Variants in SOS2 observed in about 807,000 individuals in gnomAD.
The protein encoded by SOS2 is SOS Ras/Rho guanine nucleotide exchange factor 2, also known as son of sevenless homolog 2.
SOS2 carries 65 observed loss-of-function variants against 148.2 expected under a neutral mutation model. That is an observed-to-expected ratio of 0.44 (90% CI 0.36 to 0.54). SOS2 has a LOEUF of 0.54. Ranked by LOEUF, SOS2 falls within the 20% of genes least tolerant of loss-of-function variation. The probability of loss-of-function intolerance (pLI) is 0.00; values close to 1 mark genes in which losing one functional copy is unlikely to be tolerated. For missense variants in SOS2, 1,341 were observed against 1,590.2 expected (o/e 0.84, Z 2.67); for synonymous variants, 539 against 537.1 (o/e 1.00, Z -0.05).
intron 18 of SOS2, among the ~76,000 whole-genome samples, 165 bp from the exon 19 acceptor site, chr14:50,134,404 T>G (rs1262432217): frequency 6.6e-6 from 1 of 152,246 alleles, no homozygotes; most frequent in Non-Finnish European, 1.5e-5. Context: ...GTGTTGCTTA[T>G]TCCAATCTCT....
chr14:50,150,077 A>C lies in SOS2; in HGVS notation c.2315T>G (p.Phe772Cys), dbSNP rs200715068. ...TATTGGATGAAGTGTCATGAGATCA[A>C]ATGTTTCAAACTGTCCTGGTTTGCT... ...HISKPGQFET[F>C]DLMTLHPIEI... is the part of the protein sequence containing the mutation. Residue 772 changes from phenylalanine (F) to cysteine (C), a missense_variant, in exon 14 of 23, where the codon TTT becomes TGT. By Grantham distance (205) the Phe-to-Cys change is radical (BLOSUM62 -2). Coordinates refer to ENST00000216373, the MANE Select transcript of SOS2 (RefSeq NM_006939.4). The C allele has an allele frequency of 4.0e-5, 64 of 1,614,034 alleles. No individual in the cohort carries two copies. The highest frequency in any genetic ancestry group is 3.5e-5 in the Non-Finnish European group (41 of 1,179,998).
intron 4 of SOS2, among the ~76,000 whole-genome samples, chr14:50,193,831 G>C (rs976540017): frequency 1.3e-5 from 2 of 150,974 alleles, no homozygotes; most frequent in African/African-American, 4.9e-5. Flanking sequence ...TGCAACCTCC[G>C]CCTCCCAGGT....
At chr14:50,217,518 G>A (rs548075680) in intron 1 of SOS2, among the ~76,000 whole-genome samples, 2 of 152,138 alleles carry the variant, frequency 1.3e-5, no homozygotes, top group South Asian at 4.2e-4. Flanking sequence ...GGGCAACATA[G>A]TGAGACCCTG....
rs1248478593 is a variant in SOS2 at position 50,134,227 on chromosome 14, T to C, written c.2971A>G (p.Asn991Asp). The change falls in exon 19 of 23, where the codon AAC becomes GAC. Residue 991 changes from asparagine (N) to aspartate (D), a missense_variant. By Grantham distance (23) the Asn-to-Asp change is conservative (BLOSUM62 1). Coordinates refer to ENST00000216373, the MANE Select transcript of SOS2 (RefSeq NM_006939.4). ...GATGCACTTCCCATGGGGTTAAGGT[T>C]TTCAAAGAATCTCTGGAATTAAACA... ...IEPDMRRFFE[N>D]LNPMGSASEK... 3 of 1,519,724 alleles carry C rather than the reference T, an allele frequency of 2.0e-6. No individual in the cohort carries two copies. Among genetic ancestry groups the C allele is most frequent in the African/African-American group, 1.4e-5 (1 of 72,780 alleles). 94.1% of individuals were successfully genotyped at this position (1,519,724 alleles called of 1,614,324 possible).
chr14:50,124,060 A>G (rs976220842), intron 21 of SOS2, among the ~76,000 whole-genome samples: 2 of 152,232 alleles, frequency 1.3e-5, no homozygotes, highest in African/African-American at 2.4e-5. Context: ...TAAGAAGCTC[A>G]GTTTCAGACA....
At chr14:50,223,189 T>C (rs1887248787) in intron 1 of SOS2, among the ~76,000 whole-genome samples, 1 of 152,170 alleles carries the variant, frequency 6.6e-6, no homozygotes, top group African/African-American at 2.4e-5. Context: ...GAAACAAGTT[T>C]GCAGGGGAAG....
At chr14:50,231,641 C>T, upstream of SOS2, 2 of 160,054 alleles carry the variant, frequency 1.2e-5, 1 homozygote, top group South Asian at 3.3e-4. Context: ...GGCCCAGCCC[C>T]GCCCCGACTC....
chr14:50,199,877 T>A (rs748155418), intron 3 of SOS2, 22 bp from the exon 4 acceptor site: 1 of 1,482,424 alleles, frequency 6.7e-7, no homozygotes. Context: ...ATAAATAATT[T>A]AATTGCAAAA....
At chr14:50,182,706 C>T in intron 5 of SOS2, 100 bp from the exon 6 acceptor site, 1 of 864,522 alleles carries the variant, frequency 1.2e-6, no homozygotes, top group Admixed American at 2.4e-5. Flanking sequence ...GGCAGACTGC[C>T]TATGGAATAG....
intron 19 of SOS2, among the ~76,000 whole-genome samples, chr14:50,133,897 G>A (rs1358605809): frequency 1.3e-5 from 2 of 151,882 alleles, no homozygotes; most frequent in Admixed American, 6.6e-5. Context: ...TATTCTAGGA[G>A]GGATCAAAAG....
chr14:50,215,413 G>A, intron 1 of SOS2: 4 of 1,284,780 alleles, frequency 3.1e-6, no homozygotes, highest in Non-Finnish European at 4.1e-6. Context: ...GACAATGGAA[G>A]AGAACCATGC....
intron 8 of SOS2, among the ~76,000 whole-genome samples, chr14:50,164,350 G>T (rs958539118): frequency 1.3e-5 from 2 of 152,048 alleles, no homozygotes; most frequent in African/African-American, 4.8e-5. Context: ...TGAGGTGAGA[G>T]GATGACCTAA....
At chr14:50,200,571 G>A (rs1035860915) in intron 3 of SOS2, among the ~76,000 whole-genome samples, 7 of 149,180 alleles carry the variant, frequency 4.7e-5, no homozygotes, top group African/African-American at 1.7e-4. Context: ...AATGGGCCAG[G>A]CCTGATGGCT....
Position 50,231,241 on chromosome 14 carries a change from TCTC to T in SOS2, c.40_42del (p.Glu14del), listed in dbSNP as rs769421216. ...AACAGTCCCCGCCATTTCGGACTGT[TCTC>T]CTCGCTGAAGAACTCGTAAGGCTGC... On this transcript the variant is annotated inframe_deletion, in exon 1 of 23. Transcript: ENST00000216373. 12 of 1,512,090 alleles carry T rather than the reference TCTC, an allele frequency of 7.9e-6. No individual in the cohort carries two copies. The highest frequency in any genetic ancestry group is 5.1e-5 in the East Asian group (2 of 39,092). 93.7% of individuals were successfully genotyped at this position (1,512,090 alleles called of 1,614,324 possible).
chr14:50,192,923 C>T (rs554866707), intron 4 of SOS2, among the ~76,000 whole-genome samples: 1 of 152,014 alleles, frequency 6.6e-6, no homozygotes, highest in Admixed American at 6.6e-5. Context: ...AAATACAGAA[C>T]TCAACTGCTA....
chr14:50,231,131 C>CT, intron 1 of SOS2, 66 bp downstream of exon 1: 2 of 1,015,444 alleles, frequency 2.0e-6, no homozygotes, highest in Admixed American at 3.2e-5. Flanking sequence ...GAGGGACGAC[C>CT]TGCTCCCCGT....
intron 21 of SOS2, among the ~76,000 whole-genome samples, chr14:50,126,498 A>C (rs892396893): frequency 6.6e-6 from 1 of 152,186 alleles, no homozygotes; most frequent in Non-Finnish European, 1.5e-5. Flanking sequence ...GTCGATTAAA[A>C]ATAAAATTTA....
chr14:50,228,347 G>A (rs987259141), intron 1 of SOS2, among the ~76,000 whole-genome samples: 1 of 152,046 alleles, frequency 6.6e-6, no homozygotes, highest in African/African-American at 2.4e-5. Flanking sequence ...CCACTGAGAT[G>A]CAAGTAATTT....
rs1325920065 is a variant in SOS2 at position 50,224,362 on chromosome 14, CACAT to C, written c.87+6831_87+6834del. Among the ~76,000 whole-genome samples, 234 of 101,384 alleles carry C rather than the reference CACAT, an allele frequency of 2.3e-3. 3 individuals are homozygous for C. The highest frequency in any genetic ancestry group is 5.9e-3 in the African/African-American group (179 of 30,210). 66.5% of individuals were successfully genotyped at this position (101,384 alleles called of 152,430 possible). A position where few individuals can be genotyped will look rare whatever the true frequency, so the allele number is the denominator to read the frequency against. ...ACACACACACACACACACACACACA[CACAT>C]ATATATAAATGGGCTCTGGGGAGGT... On this transcript the variant is annotated intron_variant, in intron 1 of 22. Transcript: ENST00000216373.
Sources: allele counts gnomAD v4.1 joint callset (sites outside exome capture counted in the v4.1 genomes callset), GRCh38; gene constraint gnomAD v4.1.1; transcripts MANE v1.5; gene names NCBI Gene and HGNC (gene_info 2026-07-23, HGNC 2026-07-21).